Variants in DLGAP2 observed in about 807,000 individuals in gnomAD.
DLGAP2 encodes the protein disks large-associated protein 2.
DLGAP2 carries 26 observed loss-of-function variants against 100.3 expected under a neutral mutation model. The ratio of observed to expected loss-of-function variants is 0.26; its 90% CI spans 0.19 to 0.36. The LOEUF (loss-of-function observed/expected upper bound fraction) is 0.36, where lower values mean the gene tolerates loss of function less well. DLGAP2 is among the 10% of genes least tolerant of loss of function. The pLI, the probability that DLGAP2 is intolerant of heterozygous loss-of-function variation, is 1.00. For missense variants in DLGAP2, 1,858 were observed against 1,453.2 expected (o/e 1.28, Z -4.53); for synonymous variants, 886 against 630.1 (o/e 1.41, Z -6.08).
chr8:1,181,778 T>G (rs75142762), intron 2 of DLGAP2, among the ~76,000 whole-genome samples: 23,801 of 151,952 alleles, frequency 0.16, 4,208 homozygotes, highest in African/African-American at 0.44. Context: ...GGGCTAGGGA[T>G]TGATGGATGG....
At chr8:833,630 C>T (rs1796820875) in intron 1 of DLGAP2, among the ~76,000 whole-genome samples, 1 of 152,222 alleles carries the variant, frequency 6.6e-6, no homozygotes, top group South Asian at 2.1e-4. Flanking sequence ...TCTCAGGACC[C>T]TCGGCTTCTC....
At chr8:1,295,090 A>G (rs1776677272) in intron 3 of DLGAP2, among the ~76,000 whole-genome samples, 1 of 152,146 alleles carries the variant, frequency 6.6e-6, no homozygotes, top group African/African-American at 2.4e-5. Context: ...CAGGAAATCT[A>G]CTACCACGGG....
At position 1,706,173 on chromosome 8, in the gene DLGAP2, T is replaced by C. The variant is rs1286982716; in HGVS notation, c.*4767T>C. 6.6e-6 allele frequency: 1 copy of C among 152,226 alleles called. No homozygotes were observed. The highest frequency in any genetic ancestry group is 1.5e-5 in the Non-Finnish European group (1 of 68,048). 9.4% of individuals were successfully genotyped at this position (152,226 alleles called of 1,614,324 possible). On this transcript the variant is annotated 3_prime_UTR_variant, in exon 15 of 15. Transcript: ENST00000637795. ...GGGTGGCAGCAGAATGTTCTGGAAA[T>C]GAAGGAGATATTGCTAGGAATCTCT...
intron 1 of DLGAP2, among the ~76,000 whole-genome samples, chr8:811,701 C>T (rs557121765): frequency 5.3e-4 from 79 of 147,816 alleles, no homozygotes; most frequent in South Asian, 2.8e-3. Context: ...CACCAGCTTT[C>T]GGATGAAGCT....
At chr8:1,350,426 C>T (rs60362131) in intron 3 of DLGAP2, among the ~76,000 whole-genome samples, 3,955 of 25,430 alleles carry the variant, frequency 0.16, 949 homozygotes, top group East Asian at 0.52. Context: ...GGAAAGGCCG[C>T]GCGGGTCCTG....
chr8:1,322,735 G>A (rs777532309), intron 3 of DLGAP2, among the ~76,000 whole-genome samples: 3 of 152,206 alleles, frequency 2.0e-5, no homozygotes, highest in African/African-American at 7.2e-5. Flanking sequence ...GATTCCCTGC[G>A]TTTCTTGCCC....
chr8:1,338,005 A>T (rs1801328993), intron 3 of DLGAP2, among the ~76,000 whole-genome samples: 1 of 152,238 alleles, frequency 6.6e-6, no homozygotes. Flanking sequence ...CATTCCCACT[A>T]GGACGGCTGT....
At chr8:1,251,748 C>T (rs957688673) in intron 2 of DLGAP2, among the ~76,000 whole-genome samples, 12 of 152,218 alleles carry the variant, frequency 7.9e-5, no homozygotes, top group Non-Finnish European at 1.8e-4. Flanking sequence ...TAGTCATTGT[C>T]GTACAGTCAC....
intron 2 of DLGAP2, among the ~76,000 whole-genome samples, chr8:1,117,636 G>T (rs1364798360): frequency 2.0e-5 from 3 of 152,220 alleles, no homozygotes; most frequent in African/African-American, 7.2e-5. Flanking sequence ...GAGCAAGTCT[G>T]AACTGAGATG....
intron 3 of DLGAP2, among the ~76,000 whole-genome samples, chr8:1,327,717 G>A (rs555101885): frequency 3.4e-4 from 52 of 152,080 alleles, no homozygotes; most frequent in Middle Eastern, 3.4e-3. Flanking sequence ...CGTGGCGGGC[G>A]CCTGTAGTCC....
intron 3 of DLGAP2, among the ~76,000 whole-genome samples, chr8:1,494,547 G>A (rs554800190): frequency 2.0e-4 from 30 of 152,268 alleles, no homozygotes; most frequent in African/African-American, 7.2e-4. Flanking sequence ...TGGCCAACAT[G>A]ATGAAACCCC....
chr8:1,072,503 C>G (rs994479218), intron 2 of DLGAP2, among the ~76,000 whole-genome samples: 1 of 152,084 alleles, frequency 6.6e-6, no homozygotes, highest in Non-Finnish European at 1.5e-5. Context: ...GAACTCGACG[C>G]GTGTTTGATT....
At chr8:1,381,751 T>G (rs1796099369) in intron 3 of DLGAP2, among the ~76,000 whole-genome samples, 1 of 151,842 alleles carries the variant, frequency 6.6e-6, no homozygotes, top group African/African-American at 2.4e-5. Flanking sequence ...ATGCTGGGAT[T>G]TTCTTCCTTA....
intron 2 of DLGAP2, among the ~76,000 whole-genome samples, chr8:1,092,086 C>A (rs1804203301): frequency 1.3e-5 from 2 of 152,194 alleles, no homozygotes; most frequent in South Asian, 4.1e-4. Flanking sequence ...GTCTCCTCTC[C>A]ATGTTTTGGG....
intron 4 of DLGAP2, among the ~76,000 whole-genome samples, chr8:1,531,414 T>G (rs1215058264): frequency 6.6e-6 from 1 of 152,202 alleles, no homozygotes; most frequent in Non-Finnish European, 1.5e-5. Flanking sequence ...TTTTCTTCAT[T>G]TAGTTCAGTG....
chr8:1,468,160 C>T (rs1003735331), intron 3 of DLGAP2, among the ~76,000 whole-genome samples: 8 of 152,110 alleles, frequency 5.3e-5, no homozygotes, highest in African/African-American at 1.7e-4. Flanking sequence ...CCAGCAGCCT[C>T]GGTCCCTTCT....
At chr8:788,116 T>A (rs961986593) in intron 1 of DLGAP2, among the ~76,000 whole-genome samples, 2 of 152,210 alleles carry the variant, frequency 1.3e-5, no homozygotes, top group Non-Finnish European at 2.9e-5. Flanking sequence ...GGAGATCCTG[T>A]GTCATGACAA....
At chr8:1,647,513 A>AAAAAAAAAAAAAAAAAAAAAAC in intron 8 of DLGAP2, among the ~76,000 whole-genome samples, 1 of 127,822 alleles carries the variant, frequency 7.8e-6, no homozygotes, top group Non-Finnish European at 1.6e-5. Flanking sequence ...AAAAAAAAAA[A>AAAAAAAAAAAAAAAAAAAAAAC]AAAAAAAAAA....
intron 2 of DLGAP2, among the ~76,000 whole-genome samples, chr8:1,170,611 G>A (rs113495017): frequency 0.053 from 7,160 of 135,444 alleles, 404 homozygotes; most frequent in African/African-American, 0.085. Context: ...TTTAGTCTTG[G>A]GAGAGTGTAT....
Sources: gnomAD v4.1 joint callset for allele counts (sites outside exome capture counted in the v4.1 genomes callset) on GRCh38, gnomAD v4.1.1 for gene constraint, MANE v1.5 for transcripts, NCBI Gene and HGNC (gene_info 2026-07-23, HGNC 2026-07-21) for gene names.